PPP1R9A: variants seen among roughly 807,000 people sequenced by gnomAD.
PPP1R9A encodes the protein neurabin-1.
Under a neutral mutation model 141.9 loss-of-function variants are expected in PPP1R9A, and 59 were observed. The observed-to-expected ratio is 0.42, with a 90% CI of 0.34 to 0.52. The LOEUF is 0.52. PPP1R9A is among the 20% of genes least tolerant of loss of function. The pLI is 0.10. For missense variants in PPP1R9A, 1,444 were observed against 1,611.9 expected (o/e 0.90, Z 1.78); for synonymous variants, 500 against 569.7 (o/e 0.88, Z 1.74).
At chr7:95,286,070 A>T (rs749184401) in intron 17 of PPP1R9A, 136 bp from the exon 18 acceptor site, 4 of 1,401,312 alleles carry the variant, frequency 2.9e-6, no homozygotes, top group Non-Finnish European at 3.8e-6. Flanking sequence ...CCGCTGCCCC[A>T]TTGAAGGTCA....
At chr7:95,061,415 C>T (rs1812210387) in intron 2 of PPP1R9A, among the ~76,000 whole-genome samples, 1 of 152,172 alleles carries the variant, frequency 6.6e-6, no homozygotes, top group East Asian at 1.9e-4. Context: ...TACAATATAA[C>T]TTGTTATCAT....
At chr7:95,088,521 G>C (rs1277338904) in intron 2 of PPP1R9A, among the ~76,000 whole-genome samples, 1 of 152,000 alleles carries the variant, frequency 6.6e-6, no homozygotes, top group East Asian at 1.9e-4. Flanking sequence ...GCAAATGCTT[G>C]TGTTAACTGA....
At chr7:95,048,523 T>TTTGTTGTTG (rs34158265) in intron 2 of PPP1R9A, among the ~76,000 whole-genome samples, 146 of 150,592 alleles carry the variant, frequency 9.7e-4, no homozygotes, top group Non-Finnish European at 1.6e-3. Context: ...ATGACAGCGT[T>TTTGTTGTTG]TTGTTGTTGT....
chr7:95,276,850 C>A (rs139802840), intron 16 of PPP1R9A, among the ~76,000 whole-genome samples: 3 of 152,234 alleles, frequency 2.0e-5, no homozygotes, highest in African/African-American at 7.2e-5. Context: ...CTAATAAAAT[C>A]TGTGGACAGC....
intron 4 of PPP1R9A, among the ~76,000 whole-genome samples, chr7:95,123,501 T>C (rs1822996689): frequency 1.3e-5 from 2 of 152,192 alleles, no homozygotes; most frequent in South Asian, 4.2e-4. Flanking sequence ...ATACAAAAAT[T>C]AGCTGGGCGT....
intron 8 of PPP1R9A, among the ~76,000 whole-genome samples, chr7:95,227,170 G>A (rs533266353): frequency 1.3e-5 from 2 of 152,318 alleles, no homozygotes; most frequent in Admixed American, 6.5e-5. Context: ...ATCAAGAAAA[G>A]TAGGTAGATG....
chr7:95,060,786 T>G (rs887893923), intron 2 of PPP1R9A, among the ~76,000 whole-genome samples: 3 of 152,184 alleles, frequency 2.0e-5, no homozygotes, highest in Non-Finnish European at 2.9e-5. Flanking sequence ...GGATTTATAT[T>G]CCAGTTTAGA....
At chr7:95,108,702 C>G (rs1820012800) in intron 2 of PPP1R9A, among the ~76,000 whole-genome samples, 1 of 151,810 alleles carries the variant, frequency 6.6e-6, no homozygotes, top group African/African-American at 2.4e-5. Flanking sequence ...TTTCAGAATA[C>G]TCTCAAATGA....
At chr7:94,980,383 TATAA>T (rs1799957400) in intron 2 of PPP1R9A, among the ~76,000 whole-genome samples, 2 of 152,178 alleles carry the variant, frequency 1.3e-5, no homozygotes, top group South Asian at 4.1e-4. Context: ...CAGTTATATA[TATAA>T]AATAAAAGTT....
chr7:95,066,802 C>T (rs992011656), intron 2 of PPP1R9A, among the ~76,000 whole-genome samples: 3 of 152,084 alleles, frequency 2.0e-5, no homozygotes, highest in Admixed American at 6.5e-5. Flanking sequence ...GCAAGTAATA[C>T]TGAGATTGTC....
intron 2 of PPP1R9A, among the ~76,000 whole-genome samples, chr7:94,922,511 T>C (rs1376632472): frequency 6.6e-6 from 1 of 151,916 alleles, no homozygotes; most frequent in Non-Finnish European, 1.5e-5. Context: ...GCAACTCACA[T>C]ATCCAGTAAT....
At chr7:95,119,393 A>G (rs1044802866) in intron 3 of PPP1R9A, among the ~76,000 whole-genome samples, 1 of 152,224 alleles carries the variant, frequency 6.6e-6, no homozygotes, top group African/African-American at 2.4e-5. Context: ...CCATCTCACC[A>G]TGAAATATTA....
At chr7:95,232,108 A>T (rs182907557) in intron 8 of PPP1R9A, among the ~76,000 whole-genome samples, 266 of 152,270 alleles carry the variant, frequency 1.7e-3, no homozygotes, top group African/African-American at 6.0e-3. Context: ...GCTACTATGA[A>T]AACCTTTACA....
intron 6 of PPP1R9A, chr7:95,202,696 C>A: frequency 2.2e-6 from 1 of 456,800 alleles, no homozygotes; most frequent in Non-Finnish European, 2.9e-6. Flanking sequence ...TGTCATACTC[C>A]ACCACTATCA....
intron 5 of PPP1R9A, among the ~76,000 whole-genome samples, chr7:95,177,988 T>C (rs1222650033): frequency 6.6e-6 from 1 of 151,974 alleles, no homozygotes; most frequent in African/African-American, 2.4e-5. Flanking sequence ...AGACTGAAAG[T>C]CAACAAAGAA....
intron 7 of PPP1R9A, among the ~76,000 whole-genome samples, chr7:95,220,211 G>T (rs1211717657): frequency 6.6e-6 from 1 of 152,096 alleles, no homozygotes; most frequent in Non-Finnish European, 1.5e-5. Context: ...CCTCTGGATG[G>T]TTGGTGCAGA....
At chr7:95,199,380 G>A (rs1267173709) in intron 6 of PPP1R9A, among the ~76,000 whole-genome samples, 2 of 152,100 alleles carry the variant, frequency 1.3e-5, no homozygotes, top group Non-Finnish European at 2.9e-5. Flanking sequence ...TATAACCACA[G>A]TGAAACTTCA....
chr7:95,044,349 G>C (rs1809684113), intron 2 of PPP1R9A, among the ~76,000 whole-genome samples: 1 of 152,014 alleles, frequency 6.6e-6, no homozygotes, highest in African/African-American at 2.4e-5. Flanking sequence ...TCTGCTTTAT[G>C]TAAGTAATTG....
At chr7:95,166,886 C>T (rs1282467568) in intron 5 of PPP1R9A, among the ~76,000 whole-genome samples, 1 of 152,140 alleles carries the variant, frequency 6.6e-6, no homozygotes, top group Non-Finnish European at 1.5e-5. Context: ...TATGCTACAT[C>T]ACATCAACAG....
Sources: allele counts gnomAD v4.1 joint callset (sites outside exome capture counted in the v4.1 genomes callset), GRCh38; gene constraint gnomAD v4.1.1; transcripts MANE v1.5; gene names NCBI Gene and HGNC (gene_info 2026-07-23, HGNC 2026-07-21).